Variants in TKTL1 observed in about 807,000 individuals in gnomAD.
TKTL1 encodes the protein transketolase like 1, also known as transketolase-like protein 1.
TKTL1 carries 1 observed loss-of-function variant against 39.3 expected under a neutral mutation model. That is an observed-to-expected ratio of 0.03 (90% CI 0.01 to 0.12). The LOEUF (loss-of-function observed/expected upper bound fraction) is 0.12. Ranked by LOEUF, TKTL1 falls within the 10% of genes least tolerant of loss-of-function variation. The probability of loss-of-function intolerance (pLI) is 1.00; values close to 1 mark genes in which losing one functional copy is unlikely to be tolerated. For synonymous variants in TKTL1, 262 were observed against 193.8 expected, an observed-to-expected ratio of 1.35 and a Z score of -2.92; for missense variants, 575 against 509.6, an observed-to-expected ratio of 1.13 and a Z score of -1.24.
At chrX:154,318,216 T>C (rs1200349060) in intron 7 of TKTL1, among the ~76,000 whole-genome samples, 1 of 110,924 alleles carries the variant, frequency 9.0e-6, no homozygotes, top group East Asian at 2.8e-4. Flanking sequence ...GCCGCCATGC[T>C]TGGCCACATC....
chrX:154,325,401 C>G lies in TKTL1; in HGVS notation c.1380C>G (p.Arg460=), dbSNP rs150438789. The G allele has an allele frequency of 8.3e-7, 1 of 1,210,172 alleles. No homozygotes were observed. The highest frequency in any genetic ancestry group is 1.7e-5 in the African/African-American group (1 of 57,344). ...TGGTTATTTACACCCCACAAGAACGCTTTGAGATCGGACAGGCCAAGGTAA... is the reference window on the plus strand; with the variant it reads ...TGGTTATTTACACCCCACAAGAACGGTTTGAGATCGGACAGGCCAAGGTAA... ...ETMVIYTPQE[R]FEIGQAKVLR... The change falls in exon 10 of 13, where the codon CGC becomes CGG. Residue 460 remains arginine, a synonymous_variant. Coordinates refer to ENST00000369915, the MANE Select transcript of TKTL1 (RefSeq NM_012253.4).
intron 2 of TKTL1, 58 bp from the exon 3 acceptor site, chrX:154,309,287 C>T (rs2067337431): frequency 1.0e-6 from 1 of 994,897 alleles, no homozygotes; most frequent in Admixed American, 2.2e-5. Flanking sequence ...GTGCGTGAGT[C>T]CACCTGATAC....
At chrX:154,326,648 G>C (rs1183656808) in intron 10 of TKTL1, among the ~76,000 whole-genome samples, 1 of 112,583 alleles carries the variant, frequency 8.9e-6, no homozygotes, top group Non-Finnish European at 1.9e-5. Flanking sequence ...GTTCACCTTT[G>C]GTGTTAACTA....
At chrX:154,322,610 A>G (rs782292966) in intron 8 of TKTL1, among the ~76,000 whole-genome samples, 5 of 111,699 alleles carry the variant, frequency 4.5e-5, no homozygotes, top group African/African-American at 9.8e-5. Context: ...GGCAGTGTGC[A>G]TGGTGACAAT....
At chrX:154,302,747 T>C (rs782697484) in intron 1 of TKTL1, among the ~76,000 whole-genome samples, 47 of 111,988 alleles carry the variant, frequency 4.2e-4, no homozygotes, top group Non-Finnish European at 8.1e-4. Flanking sequence ...AAGATCATCC[T>C]GGACTTAGGG....
At chrX:154,297,624 T>A (rs1017342548) in intron 1 of TKTL1, among the ~76,000 whole-genome samples, 3 of 111,219 alleles carry the variant, frequency 2.7e-5, no homozygotes, top group Admixed American at 1.9e-4. Flanking sequence ...ATAGGATGAG[T>A]TTCAAAGTGT....
intron 10 of TKTL1, 141 bp from the exon 11 acceptor site, chrX:154,327,450 C>T (rs1557172194): frequency 1.7e-6 from 1 of 594,329 alleles, no homozygotes; most frequent in Non-Finnish European, 3.0e-6. Flanking sequence ...CTTGTAAATG[C>T]ATCTGATTTT....
chrX:154,302,857 G>A (rs2067284382), intron 1 of TKTL1, among the ~76,000 whole-genome samples: 1 of 111,528 alleles, frequency 9.0e-6, no homozygotes. Flanking sequence ...AAGGTCCTGT[G>A]AAGGCAGAGA....
chrX:154,299,464 CTTTT>C (rs1557165451), intron 1 of TKTL1, among the ~76,000 whole-genome samples: 1 of 110,636 alleles, frequency 9.0e-6, no homozygotes, highest in Non-Finnish European at 1.9e-5. Context: ...CTCTCATTTT[CTTTT>C]TTTAATTTTA....
chrX:154,326,361 G>A (rs2067493658), intron 10 of TKTL1, among the ~76,000 whole-genome samples: 2 of 112,411 alleles, frequency 1.8e-5, no homozygotes. Flanking sequence ...AGTGGGGCTT[G>A]TAGACATTTT....
At chrX:154,316,678 C>G (rs1397430021) in intron 7 of TKTL1, among the ~76,000 whole-genome samples, 1 of 111,549 alleles carries the variant, frequency 9.0e-6, no homozygotes, top group Non-Finnish European at 1.9e-5. Flanking sequence ...CCAAACAGCA[C>G]CCCTGTTGAG....
At chrX:154,298,089 TTC>T (rs1340008005) in intron 1 of TKTL1, among the ~76,000 whole-genome samples, 1 of 111,854 alleles carries the variant, frequency 8.9e-6, no homozygotes, top group African/African-American at 3.3e-5. Context: ...TTGTGAGGCT[TTC>T]TGTTTCTAGG....
rs781862922 is a variant in TKTL1, at chrX:154,306,247, T to TA, written c.252+827dup. ...TTGTTTGAAGCTGGGAGGCAGAGGT[T>TA]ACAGTGAGCCGAGATCGTGCCACTG... On this transcript the variant is annotated intron_variant, in intron 2 of 12. Coordinates refer to ENST00000369915, the MANE Select transcript of TKTL1 (RefSeq NM_012253.4). Among the ~76,000 whole-genome samples, 272 of 112,003 alleles carry TA rather than the reference T, an allele frequency of 2.4e-3. 3 individuals are homozygous for TA. The highest frequency in any genetic ancestry group is 8.1e-3 in the African/African-American group (249 of 30,875).
At chrX:154,304,198 C>G (rs1233302107) in intron 1 of TKTL1, among the ~76,000 whole-genome samples, 1 of 111,065 alleles carries the variant, frequency 9.0e-6, no homozygotes, top group African/African-American at 3.3e-5. Flanking sequence ...AGTTTTCTCT[C>G]ACTGAGCCAG....
At chrX:154,312,953 A>T (rs190959011) in intron 6 of TKTL1, among the ~76,000 whole-genome samples, 180 bp downstream of exon 6, 318 of 111,991 alleles carry the variant, frequency 2.8e-3, no homozygotes, top group Non-Finnish European at 4.4e-3. Context: ...TTTTTAAAAA[A>T]TACATTTAGG....
chrX:154,298,696 AAAG>A (rs1487808358), intron 1 of TKTL1, among the ~76,000 whole-genome samples: 3 of 76,980 alleles, frequency 3.9e-5, no homozygotes, highest in African/African-American at 3.2e-4. Flanking sequence ...CCTGTCTCAA[AAAG>A]AAAAAAAAAT....
chrX:154,315,355 C>G lies in TKTL1; in HGVS notation c.1029+18C>G, dbSNP rs2067391167. On this transcript the variant is annotated intron_variant, in intron 7 of 12. Transcript: ENST00000369915. The stretch of plus-strand genomic sequence containing the variant: ...AAAACATGGTGAGTGTGTAGTGTCT[C>G]TCAGGGCTTCTTAGAATCAATGGCC... 2.5e-6 allele frequency: 3 copies of G among 1,178,990 alleles called. No homozygotes were observed. Among genetic ancestry groups the G allele is most frequent in the Non-Finnish European group, 2.3e-6 (2 of 875,788 alleles).
intron 8 of TKTL1, among the ~76,000 whole-genome samples, 158 bp from the exon 9 acceptor site, chrX:154,323,049 A>C (rs782024570): frequency 8.9e-6 from 1 of 112,236 alleles, no homozygotes; most frequent in Non-Finnish European, 1.9e-5. Context: ...AATGTAAATG[A>C]GTTGTGAGGA....
chrX:154,325,755 G>A (rs782166515), intron 10 of TKTL1, among the ~76,000 whole-genome samples: 2 of 112,286 alleles, frequency 1.8e-5, no homozygotes, highest in African/African-American at 6.5e-5. Flanking sequence ...AGGCCAAGGC[G>A]GGAAGATTGC....
Sources: gnomAD v4.1 joint callset for allele counts (sites outside exome capture counted in the v4.1 genomes callset) on GRCh38, gnomAD v4.1.1 for gene constraint, MANE v1.5 for transcripts, NCBI Gene and HGNC (gene_info 2026-07-23, HGNC 2026-07-21) for gene names.